The following CHSY3 variants were observed in gnomAD, a reference collection of about 807,000 sequenced individuals.
The protein encoded by CHSY3 is N-acetylgalactosaminyl-proteoglycan 3-beta-glucuronosyltransferase 3.
In CHSY3, 35 loss-of-function variants were observed where a neutral mutation model predicts 67.2. That is an observed-to-expected ratio of 0.52 (90% CI 0.40 to 0.69). The LOEUF (loss-of-function observed/expected upper bound fraction) is 0.69, where lower values mean the gene tolerates loss of function less well. Ranked by LOEUF, CHSY3 falls within the 30% of genes least tolerant of loss-of-function variation. The probability of loss-of-function intolerance (pLI) is 0.00; values close to 1 mark genes in which losing one functional copy is unlikely to be tolerated. For synonymous variants in CHSY3, 474 were observed against 434.7 expected (o/e 1.09, Z -1.12); for missense variants, 1,069 against 1,138.5 (o/e 0.94, Z 0.88).
intron 2 of CHSY3, among the ~76,000 whole-genome samples, chr5:130,085,388 A>G (rs1464685711): frequency 6.6e-6 from 1 of 152,054 alleles, no homozygotes; most frequent in African/African-American, 2.4e-5. Flanking sequence ...GTCTATAATT[A>G]TGATGATTTT....
intron 2 of CHSY3, among the ~76,000 whole-genome samples, chr5:130,099,809 A>G (rs1350693067): frequency 1.3e-5 from 2 of 152,184 alleles, no homozygotes; most frequent in Non-Finnish European, 2.9e-5. Flanking sequence ...GGCACATAAT[A>G]TGTCAGTCCC....
chr5:130,131,307 C>A (rs1298450798), intron 2 of CHSY3, among the ~76,000 whole-genome samples: 1 of 152,158 alleles, frequency 6.6e-6, no homozygotes, highest in Non-Finnish European at 1.5e-5. Flanking sequence ...CTAGACACCA[C>A]TGTTGCCTCT....
Position 129,942,063 on chromosome 5 carries a change from C to T in CHSY3, c.1086+33703C>T, listed in dbSNP as rs150276167. Reference sequence around the variant, plus strand: ...TTTTATGGGAGCTTCACAGTGTCATCATTCCTTCCCCCAGGGTATAGGGCA... The same window carrying T: ...TTTTATGGGAGCTTCACAGTGTCATTATTCCTTCCCCCAGGGTATAGGGCA... On this transcript the variant is annotated intron_variant, in intron 2 of 2. Transcript: ENST00000305031. 1.3e-4 allele frequency among the ~76,000 whole-genome samples: 20 copies of T among 152,292 alleles called. No individual in the cohort carries two copies. The East Asian group carries it at 3.9e-3, about 29-fold the overall frequency.
intron 2 of CHSY3, among the ~76,000 whole-genome samples, chr5:130,091,138 A>ACACACACACACACACG (rs201758100): frequency 2.0e-5 from 2 of 98,886 alleles, no homozygotes; most frequent in African/African-American, 7.2e-5. Flanking sequence ...ACACACACGC[A>ACACACACACACACACG]CACGCGCGCA....
At chr5:130,146,511 G>GA (rs1432304345) in intron 2 of CHSY3, among the ~76,000 whole-genome samples, 1 of 151,974 alleles carries the variant, frequency 6.6e-6, no homozygotes, top group African/African-American at 2.4e-5. Context: ...AATTAGATAG[G>GA]AAAAATATGT....
intron 2 of CHSY3, among the ~76,000 whole-genome samples, chr5:129,911,842 G>T (rs1183206490): frequency 6.6e-6 from 1 of 152,104 alleles, no homozygotes; most frequent in Non-Finnish European, 1.5e-5. Flanking sequence ...GGATCACTAG[G>T]TCAGGAGATC....
intron 2 of CHSY3, among the ~76,000 whole-genome samples, chr5:130,054,031 T>A (rs1765450891): frequency 6.6e-6 from 1 of 152,196 alleles, no homozygotes; most frequent in Non-Finnish European, 1.5e-5. Context: ...CATGTCCTTA[T>A]GCTTTATTTT....
intron 2 of CHSY3, among the ~76,000 whole-genome samples, chr5:129,940,641 A>G (rs982382769): frequency 6.6e-5 from 10 of 152,064 alleles, no homozygotes; most frequent in Non-Finnish European, 1.3e-4. Context: ...ATTATAAAAA[A>G]TACTGCAGAG....
At chr5:130,002,701 T>C (rs1158827296) in intron 2 of CHSY3, among the ~76,000 whole-genome samples, 1 of 152,214 alleles carries the variant, frequency 6.6e-6, no homozygotes, top group Non-Finnish European at 1.5e-5. Flanking sequence ...TCTATATTAA[T>C]TTGTTCCACT....
At chr5:130,037,693 T>A (rs922044494) in intron 2 of CHSY3, among the ~76,000 whole-genome samples, 1 of 152,090 alleles carries the variant, frequency 6.6e-6, no homozygotes, top group Non-Finnish European at 1.5e-5. Flanking sequence ...ATTAACAATG[T>A]AATTTATTTT....
At chr5:130,116,443 T>C (rs575301405) in intron 2 of CHSY3, among the ~76,000 whole-genome samples, 1 of 152,358 alleles carries the variant, frequency 6.6e-6, no homozygotes, top group Non-Finnish European at 1.5e-5. Flanking sequence ...CTATGGACTA[T>C]ACAATAATTC....
intron 2 of CHSY3, among the ~76,000 whole-genome samples, chr5:130,135,273 T>G (rs565267395): frequency 3.8e-4 from 57 of 150,726 alleles, no homozygotes; most frequent in African/African-American, 1.4e-3. Flanking sequence ...AGTGTGTGTA[T>G]ATATATATAT....
chr5:129,944,083 G>A (rs920185718), intron 2 of CHSY3, among the ~76,000 whole-genome samples: 9 of 152,212 alleles, frequency 5.9e-5, no homozygotes, highest in African/African-American at 1.9e-4. Flanking sequence ...TTTCTCCTGG[G>A]CTTCAATGCT....
chr5:130,042,871 A>C (rs77141834), intron 2 of CHSY3, among the ~76,000 whole-genome samples: 3,054 of 152,174 alleles, frequency 0.02, 114 homozygotes, highest in African/African-American at 0.069. Context: ...AAACACAAAG[A>C]TGTATTTGCA....
Position 129,905,279 on chromosome 5 carries a change from G to C in CHSY3, c.450G>C (p.Pro150=), listed in dbSNP as rs33917. The stretch of plus-strand genomic sequence containing the variant: ...CTGGGCAGCGGAGAGACGGCCGGCC[G>C]GGGAGTAGCCACAACGGCAGCGGGG... ...GAAGQRRDGR[P]GSSHNGSGDG... Residue 150 remains proline (P), a synonymous_variant, in exon 1 of 3, where the codon CCG becomes CCC. Transcript: ENST00000305031. The C allele has an allele frequency of 0.56, 829,277 of 1,470,234 alleles. 237,887 individuals are homozygous for C. The highest frequency in any genetic ancestry group is 0.61 in the East Asian group (24,182 of 39,538). 91.1% of individuals were successfully genotyped at this position (1,470,234 alleles called of 1,614,324 possible).
intron 2 of CHSY3, among the ~76,000 whole-genome samples, chr5:130,170,253 G>A (rs961932361): frequency 1.3e-5 from 2 of 152,040 alleles, no homozygotes; most frequent in African/African-American, 4.8e-5. Context: ...TCTTGTTTCT[G>A]AGTTAGTTCA....
At chr5:130,139,143 C>T (rs740478) in intron 2 of CHSY3, among the ~76,000 whole-genome samples, 12,908 of 152,206 alleles carry the variant, frequency 0.085, 951 homozygotes, top group East Asian at 0.27. Context: ...TTACAACAAT[C>T]ATATCACTAG....
chr5:130,028,239 G>A (rs1168363039), intron 2 of CHSY3, among the ~76,000 whole-genome samples: 1 of 152,080 alleles, frequency 6.6e-6, no homozygotes, highest in Non-Finnish European at 1.5e-5. Flanking sequence ...CAAAGCTGGA[G>A]GCATCACACT....
rs77237790 is a variant in CHSY3 at position 130,165,173 on chromosome 5, A to G, written c.1087-19056A>G. On this transcript the variant is annotated intron_variant, in intron 2 of 2. Coordinates refer to ENST00000305031, the MANE Select transcript of CHSY3 (RefSeq NM_175856.5). ...GTCTTGGAAAGATGCCTCATGTTGCATCATGGAGAACTGATTGGAGAGTGG... is the reference window on the plus strand; with the variant it reads ...GTCTTGGAAAGATGCCTCATGTTGCGTCATGGAGAACTGATTGGAGAGTGG... Among the ~76,000 whole-genome samples the G allele has an allele frequency of 5.1e-4, 78 of 152,298 alleles. No individual in the cohort carries two copies. In the East Asian group the frequency reaches 0.013, roughly 25 times the overall value.
Sources: allele counts gnomAD v4.1 joint callset (sites outside exome capture counted in the v4.1 genomes callset), GRCh38; gene constraint gnomAD v4.1.1; transcripts MANE v1.5; gene names NCBI Gene and HGNC (gene_info 2026-07-23, HGNC 2026-07-21).